Variants in SKAP2 observed in about 807,000 individuals in gnomAD.
SKAP2 encodes the protein src kinase-associated phosphoprotein 2.
In SKAP2, 28 loss-of-function variants were observed where a neutral mutation model predicts 54.9. The ratio of observed to expected loss-of-function variants is 0.51; its 90% CI spans 0.38 to 0.70. The LOEUF (loss-of-function observed/expected upper bound fraction) is 0.70, where lower values mean the gene tolerates loss of function less well. Ranked by LOEUF, SKAP2 falls within the 30% of genes least tolerant of loss-of-function variation. The pLI is 0.00. For synonymous variants in SKAP2, 137 were observed against 134.3 expected, an observed-to-expected ratio of 1.02 and a Z score of -0.14; for missense variants, 356 against 424.1, an observed-to-expected ratio of 0.84 and a Z score of 1.41.
Position 26,726,055 on chromosome 7 carries a change from C to T in SKAP2, c.595-69G>A, listed in dbSNP as rs1041228833. On this transcript the variant is annotated intron_variant, in intron 7 of 12. Coordinates refer to ENST00000345317, the MANE Select transcript of SKAP2 (RefSeq NM_003930.5). ...AATGAAAGGTATGTTGTATTCTTACCATTTCTTTAAGACTATTAGTAATTC... is the reference window on the plus strand; with the variant it reads ...AATGAAAGGTATGTTGTATTCTTACTATTTCTTTAAGACTATTAGTAATTC... 1.8e-5 allele frequency: 18 copies of T among 1,012,310 alleles called. No homozygotes were observed. In the African/African-American group the frequency reaches 2.9e-4, roughly 16 times the overall value. The allele number at this position is 1,012,310 out of a possible 1,614,324, so 62.7% of individuals were successfully genotyped here.
chr7:26,804,737 T>G (rs912013378), intron 4 of SKAP2, among the ~76,000 whole-genome samples: 3 of 99,180 alleles, frequency 3.0e-5, no homozygotes, highest in Non-Finnish European at 6.2e-5. Flanking sequence ...AGACCCCGTC[T>G]CAAAAAAAAA....
intron 4 of SKAP2, among the ~76,000 whole-genome samples, chr7:26,838,182 T>C (rs1784752617): frequency 6.6e-6 from 1 of 152,166 alleles, no homozygotes; most frequent in Admixed American, 6.5e-5. Flanking sequence ...TCTGCATCCC[T>C]CACTTCAGTA....
chr7:26,661,326 G>A, the SKAP2 span, among the ~76,000 whole-genome samples: 2 of 152,050 alleles, frequency 1.3e-5, no homozygotes, highest in Non-Finnish European at 2.9e-5. Flanking sequence ...TCCTAGATAT[G>A]CATCTGATGT....
At chr7:26,760,994 G>A (rs1462058007) in intron 4 of SKAP2, among the ~76,000 whole-genome samples, 1 of 152,210 alleles carries the variant, frequency 6.6e-6, no homozygotes, top group Non-Finnish European at 1.5e-5. Context: ...AGAGGATATA[G>A]TGATCTTGTT....
intron 4 of SKAP2, among the ~76,000 whole-genome samples, chr7:26,747,450 G>A (rs972490589): frequency 3.3e-5 from 5 of 152,072 alleles, no homozygotes. Context: ...TTTAACATCT[G>A]CTAATCTCCT....
chr7:26,745,929 T>G (rs1339960722), intron 4 of SKAP2, among the ~76,000 whole-genome samples: 1 of 152,220 alleles, frequency 6.6e-6, no homozygotes, highest in Non-Finnish European at 1.5e-5. Flanking sequence ...AAGGTGATAC[T>G]CTCACCTATC....
intron 11 of SKAP2, among the ~76,000 whole-genome samples, chr7:26,671,457 C>G (rs1038641007): frequency 1.3e-5 from 2 of 151,920 alleles, no homozygotes; most frequent in Non-Finnish European, 2.9e-5. Context: ...TTATGCAATT[C>G]TTTAATACAA....
At chr7:26,731,938 A>G (rs1787832203) in intron 6 of SKAP2, among the ~76,000 whole-genome samples, 1 of 152,240 alleles carries the variant, frequency 6.6e-6, no homozygotes, top group Non-Finnish European at 1.5e-5. Flanking sequence ...AAATATGCTT[A>G]AAACACCAAC....
the SKAP2 span, among the ~76,000 whole-genome samples, chr7:26,661,447 T>C: frequency 6.6e-6 from 1 of 152,032 alleles, no homozygotes; most frequent in Non-Finnish European, 1.5e-5. Context: ...CACAAAAATT[T>C]TCCTTAGAAT....
At chr7:26,835,378 T>C (rs1485203387) in intron 4 of SKAP2, among the ~76,000 whole-genome samples, 1 of 152,178 alleles carries the variant, frequency 6.6e-6, no homozygotes, top group African/African-American at 2.4e-5. Flanking sequence ...AATAAGGGTA[T>C]TCAAACAGGA....
chr7:26,842,343 T>C (rs1784833439), intron 4 of SKAP2, among the ~76,000 whole-genome samples: 1 of 151,586 alleles, frequency 6.6e-6, no homozygotes, highest in African/African-American at 2.4e-5. Flanking sequence ...ATTTCCTGAA[T>C]ATTTTGTTAT....
At chr7:26,736,471 C>T (rs993483527) in intron 6 of SKAP2, among the ~76,000 whole-genome samples, 1 of 152,198 alleles carries the variant, frequency 6.6e-6, no homozygotes, top group Non-Finnish European at 1.5e-5. Flanking sequence ...GAATTGCCAA[C>T]CCCAGTTCAG....
Position 26,693,113 on chromosome 7 carries a change from C to T in SKAP2, c.797-2751G>A, listed in dbSNP as rs990687388. Among the ~76,000 whole-genome samples, 9 of 152,192 alleles carry T rather than the reference C, an allele frequency of 5.9e-5. No homozygotes were observed. The South Asian group carries it at 1.7e-3, about 28-fold the overall frequency. On this transcript the variant is annotated intron_variant, in intron 9 of 12. Coordinates refer to ENST00000345317, the MANE Select transcript of SKAP2 (RefSeq NM_003930.5). ...TTGAGAGGCCCAGGCGGGTGGATCA[C>T]CTGAGATCAGGAGTTCGAGACAAGC...
intron 4 of SKAP2, among the ~76,000 whole-genome samples, chr7:26,752,952 A>T (rs1782716720): frequency 6.6e-6 from 1 of 152,204 alleles, no homozygotes; most frequent in African/African-American, 2.4e-5. Context: ...CTTCAGTATG[A>T]ACTGGTAATC....
intron 4 of SKAP2, among the ~76,000 whole-genome samples, chr7:26,762,435 C>T (rs1391778126): frequency 1.3e-5 from 2 of 152,116 alleles, no homozygotes; most frequent in Non-Finnish European, 2.9e-5. Context: ...CCCATATAAA[C>T]ACATACACGT....
chr7:26,791,982 C>T (rs1302754696), intron 4 of SKAP2, among the ~76,000 whole-genome samples: 1 of 152,132 alleles, frequency 6.6e-6, no homozygotes, highest in East Asian at 1.9e-4. Flanking sequence ...TGTTGTGATA[C>T]ATCCATACAA....
chr7:26,847,015 A>C (rs1784937043), intron 3 of SKAP2, among the ~76,000 whole-genome samples: 1 of 151,946 alleles, frequency 6.6e-6, no homozygotes, highest in African/African-American at 2.4e-5. Context: ...TAAAAATAAA[A>C]CGCTTTTGGG....
chr7:26,827,389 T>C (rs925455987), intron 4 of SKAP2, among the ~76,000 whole-genome samples: 2 of 152,190 alleles, frequency 1.3e-5, no homozygotes, highest in Admixed American at 1.3e-4. Context: ...ATTGCTTGAC[T>C]CTCATACAAA....
chr7:26,748,134 C>A (rs1782598078), intron 4 of SKAP2, among the ~76,000 whole-genome samples: 1 of 152,054 alleles, frequency 6.6e-6, no homozygotes, highest in Non-Finnish European at 1.5e-5. Context: ...AAGACTGCTT[C>A]TTTAGATAAA....
Sources: gnomAD v4.1 joint callset for allele counts (sites outside exome capture counted in the v4.1 genomes callset) on GRCh38, gnomAD v4.1.1 for gene constraint, MANE v1.5 for transcripts, NCBI Gene and HGNC (gene_info 2026-07-23, HGNC 2026-07-21) for gene names.